RBPJ: variants seen among roughly 807,000 people sequenced by gnomAD.
RBPJ encodes the protein recombining binding protein suppressor of hairless.
Under a neutral mutation model 67.8 loss-of-function variants are expected in RBPJ, and 9 were observed. The observed-to-expected ratio is 0.13, with a 90% CI of 0.08 to 0.23. RBPJ has a LOEUF of 0.23. RBPJ is among the 10% of genes least tolerant of loss of function. The pLI is 1.00. For synonymous variants in RBPJ, 198 were observed against 203.3 expected, an observed-to-expected ratio of 0.97 and a Z score of 0.22; for missense variants, 305 against 595.6, an observed-to-expected ratio of 0.51 and a Z score of 5.08.
At chr4:26,422,400 G>C (rs759614643) in intron 5 of RBPJ, among the ~76,000 whole-genome samples, 4 of 152,086 alleles carry the variant, frequency 2.6e-5, no homozygotes, top group Non-Finnish European at 4.4e-5. Flanking sequence ...TTCTGCATTC[G>C]TTAGCTGGAG....
Position 26,434,021 on chromosome 4 carries a change from AAT to A in RBPJ, c.*3017_*3018del, listed in dbSNP as rs1249682806. ...CACATAGAAGCTGAGTCTCTGATCC[AAT>A]ATGTTTTTATTTGTTCCATTTAATT... is the stretch of plus-strand genomic sequence containing the variant. On this transcript the variant is annotated 3_prime_UTR_variant, in exon 11 of 11. Transcript: ENST00000355476. 1.3e-5 allele frequency: 2 copies of A among 152,210 alleles called. No homozygotes were observed. The highest frequency in any genetic ancestry group is 2.4e-5 in the African/African-American group (1 of 41,458). 9.4% of individuals were successfully genotyped at this position (152,210 alleles called of 1,614,324 possible).
At chr4:26,137,385 G>A in the RBPJ span, among the ~76,000 whole-genome samples, 15 of 152,296 alleles carry the variant, frequency 9.8e-5, no homozygotes, top group East Asian at 7.7e-4. Flanking sequence ...TGAACTGTCC[G>A]TGTGTAGGCC....
chr4:26,273,448 G>A (rs1416238829), intron 1 of RBPJ, among the ~76,000 whole-genome samples: 23 of 152,348 alleles, frequency 1.5e-4, no homozygotes, highest in East Asian at 1.9e-4. Flanking sequence ...GCCTCCGAGG[G>A]AGCGTGGAGC....
At chr4:26,115,317 G>A in the RBPJ span, among the ~76,000 whole-genome samples, 1 of 152,178 alleles carries the variant, frequency 6.6e-6, no homozygotes, top group African/African-American at 2.4e-5. Context: ...GTTTTTGTGA[G>A]GTTTTAAACT....
intron 1 of RBPJ, among the ~76,000 whole-genome samples, chr4:26,236,460 G>A (rs1168717269): frequency 6.6e-6 from 1 of 152,122 alleles, no homozygotes; most frequent in African/African-American, 2.4e-5. Flanking sequence ...TGTTAGCTGG[G>A]GTCTGCATTC....
chr4:26,268,530 T>G (rs1720779844), intron 1 of RBPJ, among the ~76,000 whole-genome samples: 1 of 152,216 alleles, frequency 6.6e-6, no homozygotes, highest in Admixed American at 6.5e-5. Flanking sequence ...AAATGAAATG[T>G]GCATCTTCTG....
chr4:26,417,392 A>G (rs1734698853), intron 4 of RBPJ, among the ~76,000 whole-genome samples: 1 of 152,134 alleles, frequency 6.6e-6, no homozygotes, highest in Non-Finnish European at 1.5e-5. Context: ...GTTTTTCATT[A>G]TATCTTTCTT....
chr4:26,172,032 T>C (rs1461385285), intron 1 of RBPJ, among the ~76,000 whole-genome samples: 1 of 152,178 alleles, frequency 6.6e-6, no homozygotes, highest in African/African-American at 2.4e-5. Context: ...CCCCAGACTG[T>C]TTCAGTGTAA....
At chr4:26,250,916 T>G (rs577321693) in intron 1 of RBPJ, among the ~76,000 whole-genome samples, 1 of 152,338 alleles carries the variant, frequency 6.6e-6, no homozygotes, top group South Asian at 2.1e-4. Context: ...AGTATTATAT[T>G]CTGTGGAAGT....
intron 1 of RBPJ, among the ~76,000 whole-genome samples, chr4:26,242,104 G>A (rs1719656635): frequency 6.6e-6 from 1 of 151,772 alleles, no homozygotes; most frequent in Non-Finnish European, 1.5e-5. Flanking sequence ...AAATCATTAA[G>A]GTCCCTACAC....
chr4:26,417,258 G>C (rs1734685549), intron 4 of RBPJ, among the ~76,000 whole-genome samples: 1 of 152,210 alleles, frequency 6.6e-6, no homozygotes, highest in Non-Finnish European at 1.5e-5. Flanking sequence ...AATTTTAAAT[G>C]AGGTGATACC....
At chr4:26,116,261 G>GACAA in the RBPJ span, among the ~76,000 whole-genome samples, 1 of 152,234 alleles carries the variant, frequency 6.6e-6, no homozygotes, top group Non-Finnish European at 1.5e-5. Context: ...CAATTAACGG[G>GACAA]CAGGGATGAT....
At chr4:26,374,091 C>T (rs1024455826) in intron 1 of RBPJ, among the ~76,000 whole-genome samples, 5 of 151,722 alleles carry the variant, frequency 3.3e-5, no homozygotes, top group African/African-American at 1.2e-4. Flanking sequence ...AGGCGCACAC[C>T]ACCATGTCCA....
In RBPJ at chr4:26,346,572, T is replaced by C. The variant is rs116835341; in HGVS notation, c.20+25524T>C. On this transcript the variant is annotated intron_variant, in intron 1 of 10. Coordinates refer to ENST00000355476, the MANE Select transcript of RBPJ (RefSeq NM_015874.6). ...GCTCGATTTTACAGTCTGCTCTTTG[T>C]GAGAAAGGAAAATGATTTGGGGCTG... is the stretch of plus-strand genomic sequence containing the variant. Among the ~76,000 whole-genome samples, 1,094 of 152,292 alleles carry C rather than the reference T, an allele frequency of 7.2e-3. 16 individuals carry two copies. The highest frequency in any genetic ancestry group is 0.025 in the African/African-American group (1,051 of 41,566).
Position 26,215,354 on chromosome 4 carries a change from A to AGAAG in RBPJ, c.-167+51757_-167+51760dup, listed in dbSNP as rs1221636023. Among the ~76,000 whole-genome samples the AGAAG allele has an allele frequency of 9.6e-4, 74 of 76,756 alleles. 2 individuals are homozygous for AGAAG. Among genetic ancestry groups the AGAAG allele is most frequent in the Non-Finnish European group, 1.3e-3 (50 of 39,596 alleles). The allele number at this position is 76,756 out of a possible 152,430, so 50.4% of individuals were successfully genotyped here. A position where few individuals can be genotyped will look rare whatever the true frequency, so the allele number is the denominator to read the frequency against. On this transcript the variant is annotated intron_variant, in intron 1 of 4. Coordinates refer to the RBPJ transcript ENST00000512351. Reference sequence around the variant, plus strand: ...AAGAGAGAGAGAAAGAAAGAAAAAAAGAAGGAAGGAAGGAAGGAAGAAGGG... The same window carrying AGAAG: ...AAGAGAGAGAGAAAGAAAGAAAAAAAGAAGGAAGGAAGGAAGGAAGGAAGAAGGG...
In RBPJ at chr4:26,215,803, G is replaced by A. The variant is rs146382475; in HGVS notation, c.-167+52189G>A. ...CCTCTCAGTTCATCTCCCCACTCCC[G>A]CCTCCCGCATCCCTCTCACCTCCTT... On this transcript the variant is annotated intron_variant, in intron 1 of 4. Transcript: ENST00000512351. Among the ~76,000 whole-genome samples, 47 of 151,462 alleles carry A rather than the reference G, an allele frequency of 3.1e-4. No individual in the cohort carries two copies. The East Asian group carries it at 6.0e-3, about 19-fold the overall frequency.
At chr4:26,243,214 CA>C (rs957001482) in intron 1 of RBPJ, among the ~76,000 whole-genome samples, 3 of 151,526 alleles carry the variant, frequency 2.0e-5, no homozygotes, top group South Asian at 2.1e-4. Context: ...GCAACAAGAG[CA>C]AAAAAACTCC....
chr4:26,256,172 A>G (rs1720337777), intron 1 of RBPJ, among the ~76,000 whole-genome samples: 1 of 152,102 alleles, frequency 6.6e-6, no homozygotes, highest in African/African-American at 2.4e-5. Context: ...ACCACATGTT[A>G]TAGTGTTTAT....
chr4:26,253,906 C>G (rs564276016), intron 1 of RBPJ, among the ~76,000 whole-genome samples: 2 of 149,122 alleles, frequency 1.3e-5, no homozygotes, highest in African/African-American at 5.2e-5. Context: ...TACAAATAGC[C>G]TGTGTCAAGC....
Sources: allele counts gnomAD v4.1 joint callset (sites outside exome capture counted in the v4.1 genomes callset), GRCh38; gene constraint gnomAD v4.1.1; transcripts MANE v1.5; gene names NCBI Gene and HGNC (gene_info 2026-07-23, HGNC 2026-07-21).